The following TSPAN7 variants were observed in gnomAD, a reference collection of about 807,000 sequenced individuals.
TSPAN7 encodes the protein tetraspanin 7, also known as tetraspanin-7.
In TSPAN7, 1 loss-of-function variant was observed where a neutral mutation model predicts 17.6. The observed-to-expected ratio is 0.06, with a 90% CI of 0.02 to 0.27. The LOEUF is 0.27. Among genes scored for constraint, TSPAN7 ranks in the 10% least tolerant of loss-of-function variants. TSPAN7 has a pLI of 1.00. For synonymous variants in TSPAN7, 78 were observed against 79.0 expected (o/e 0.99, Z 0.07); for missense variants, 112 against 201.7 (o/e 0.56, Z 2.69).
At chrX:38,651,450 G>C (rs1304226422) in intron 1 of TSPAN7, among the ~76,000 whole-genome samples, 5 of 111,965 alleles carry the variant, frequency 4.5e-5, no homozygotes, top group African/African-American at 1.6e-4. Flanking sequence ...GGGCGACAGA[G>C]CGAGACTCCA....
In TSPAN7 at chrX:38,678,334, G is replaced by A. The variant is rs1017153048; in HGVS notation, c.597+2474G>A. ...TAGCTTTCTACTTCTAGTAGTTAAAGTCGGTCACTTGCAGATGTTTTCCAT... is the reference window on the plus strand; with the variant it reads ...TAGCTTTCTACTTCTAGTAGTTAAAATCGGTCACTTGCAGATGTTTTCCAT... On this transcript the variant is annotated intron_variant, in intron 5 of 7. Transcript: ENST00000378482. Among the ~76,000 whole-genome samples the A allele has an allele frequency of 2.7e-5, 3 of 112,125 alleles. No individual in the cohort carries two copies. The Admixed American group carries it at 2.8e-4, about 11-fold the overall frequency.
intron 1 of TSPAN7, among the ~76,000 whole-genome samples, chrX:38,598,160 A>C (rs748471235): frequency 3.1e-4 from 35 of 111,457 alleles, no homozygotes; most frequent in African/African-American, 1.0e-3. Flanking sequence ...GCTTCAGTCC[A>C]GGTCCACATC....
intron 6 of TSPAN7, 50 bp from the exon 7 acceptor site, chrX:38,687,549 G>T: frequency 1.8e-6 from 2 of 1,098,546 alleles, no homozygotes; most frequent in Non-Finnish European, 2.5e-6. Flanking sequence ...TTAAAAGGGT[G>T]TGGTTCGGTG....
At chrX:38,597,830 A>G (rs2069325837) in intron 1 of TSPAN7, among the ~76,000 whole-genome samples, 1 of 111,816 alleles carries the variant, frequency 8.9e-6, no homozygotes, top group Admixed American at 9.5e-5. Context: ...TTAGCTTGTT[A>G]TAAGAAATTT....
chrX:38,601,847 A>G (rs1001701574), intron 1 of TSPAN7, among the ~76,000 whole-genome samples: 8 of 111,539 alleles, frequency 7.2e-5, no homozygotes, highest in African/African-American at 2.6e-4. Context: ...TTTGGACCTT[A>G]GCTGGGGTGG....
intron 1 of TSPAN7, chrX:38,566,457 T>C (rs1327300687): frequency 1.8e-6 from 1 of 553,398 alleles, no homozygotes; most frequent in Admixed American, 5.4e-5. Context: ...AATTAATGAA[T>C]AAATGAAATT....
intron 1 of TSPAN7, among the ~76,000 whole-genome samples, chrX:38,602,686 G>C (rs764969316): frequency 3.6e-5 from 4 of 111,962 alleles, no homozygotes; most frequent in Non-Finnish European, 7.5e-5. Flanking sequence ...CAGGGTAAGA[G>C]AATGGAGAGG....
chrX:38,630,387 A>G (rs371634668), intron 1 of TSPAN7, among the ~76,000 whole-genome samples: 1 of 112,161 alleles, frequency 8.9e-6, no homozygotes, highest in Non-Finnish European at 1.9e-5. Context: ...CCTAACAAAT[A>G]TTAATCTAAA....
chrX:38,636,935 G>A (rs1007369303), intron 1 of TSPAN7, among the ~76,000 whole-genome samples: 6 of 112,152 alleles, frequency 5.3e-5, no homozygotes, highest in African/African-American at 9.7e-5. Context: ...GATTATAGGC[G>A]TGAGCCACCA....
At chrX:38,620,926 A>G (rs1210837832) in intron 1 of TSPAN7, among the ~76,000 whole-genome samples, 2 of 112,513 alleles carry the variant, frequency 1.8e-5, no homozygotes, top group Non-Finnish European at 3.7e-5. Context: ...TGCCTGGCAC[A>G]TAGCAGAAGC....
chrX:38,643,917 T>C (rs958227905), intron 1 of TSPAN7, among the ~76,000 whole-genome samples: 1 of 111,004 alleles, frequency 9.0e-6, no homozygotes, highest in African/African-American at 3.3e-5. Flanking sequence ...GAATGAGAGA[T>C]AATGGGAAGG....
At chrX:38,581,857 C>G (rs998567099) in intron 1 of TSPAN7, among the ~76,000 whole-genome samples, 1 of 112,361 alleles carries the variant, frequency 8.9e-6, no homozygotes, top group African/African-American at 3.2e-5. Context: ...AAGACAGAAG[C>G]CAAGGCATTA....
At chrX:38,563,315 T>G (rs1410082186) in intron 1 of TSPAN7, among the ~76,000 whole-genome samples, 1 of 112,105 alleles carries the variant, frequency 8.9e-6, no homozygotes, top group Non-Finnish European at 1.9e-5. Flanking sequence ...CATCTTATGC[T>G]CTGCCTGTAA....
intron 1 of TSPAN7, among the ~76,000 whole-genome samples, chrX:38,659,988 G>T (rs1004002719): frequency 9.3e-6 from 1 of 107,949 alleles, no homozygotes; most frequent in Non-Finnish European, 1.9e-5. Flanking sequence ...CACCACAGCC[G>T]GCTAATTTTT....
chrX:38,573,332 C>G (rs2069178930), intron 1 of TSPAN7, among the ~76,000 whole-genome samples: 1 of 111,307 alleles, frequency 9.0e-6, no homozygotes, highest in Non-Finnish European at 1.9e-5. Flanking sequence ...TGAGTTTGGT[C>G]CTGTCATTGG....
rs767721297 is a variant in TSPAN7, at chrX:38,687,619, C to A, written c.702C>A (p.Ala234=). The change falls in exon 7 of 8, where the codon GCC becomes GCA. Residue 234 remains alanine (A), a synonymous_variant. Transcript: ENST00000378482. Reference sequence around the variant, plus strand: ...AACAGTTAATTGGCATGCTGCTGGCCTGCTGTCTGTCCCGGTTCATCACGG... The same window carrying A: ...AACAGTTAATTGGCATGCTGCTGGCATGCTGTCTGTCCCGGTTCATCACGG... ...AFSQLIGMLL[A]CCLSRFITAN... 8.3e-7 allele frequency: 1 copy of A among 1,209,250 alleles called. No individual in the cohort carries two copies. The highest frequency in any genetic ancestry group is 1.7e-5 in the African/African-American group (1 of 57,229).
chrX:38,629,289 A>G lies in TSPAN7; in HGVS notation c.82-36832A>G, dbSNP rs914893022. On this transcript the variant is annotated intron_variant, in intron 1 of 7. Transcript: ENST00000378482. ...ACGGTGATGTGATACAATGTGGAGAATCTTCCACCACGGTTTGTGTACTTT... is the reference window on the plus strand; with the variant it reads ...ACGGTGATGTGATACAATGTGGAGAGTCTTCCACCACGGTTTGTGTACTTT... 7.1e-5 allele frequency among the ~76,000 whole-genome samples: 8 copies of G among 112,154 alleles called. No individual in the cohort carries two copies. In the Admixed American group the frequency reaches 7.5e-4, roughly 11 times the overall value.
At chrX:38,684,054 C>T (rs970683408) in intron 6 of TSPAN7, among the ~76,000 whole-genome samples, 3 of 112,254 alleles carry the variant, frequency 2.7e-5, no homozygotes, top group African/African-American at 9.7e-5. Flanking sequence ...CTCTCCTGCC[C>T]TCGACCTTTT....
At chrX:38,604,024 C>T (rs754288545) in intron 1 of TSPAN7, among the ~76,000 whole-genome samples, 2 of 56,747 alleles carry the variant, frequency 3.5e-5, no homozygotes, top group African/African-American at 1.4e-4. Context: ...CCTCCCCCCT[C>T]CCCCCACCCC....
Sources: gnomAD v4.1 joint callset for allele counts (sites outside exome capture counted in the v4.1 genomes callset) on GRCh38, gnomAD v4.1.1 for gene constraint, MANE v1.5 for transcripts, NCBI Gene and HGNC (gene_info 2026-07-23, HGNC 2026-07-21) for gene names.